Variants in SNX13 observed in about 807,000 individuals in gnomAD.
The protein encoded by SNX13 is sorting nexin-13.
In SNX13, 45 loss-of-function variants were observed where a neutral mutation model predicts 133.6. The observed-to-expected ratio is 0.34, with a 90% CI of 0.27 to 0.43. The LOEUF (loss-of-function observed/expected upper bound fraction) is 0.43, where lower values mean the gene tolerates loss of function less well. Among genes scored for constraint, SNX13 ranks in the 20% least tolerant of loss-of-function variants. SNX13 has a pLI of 1.00. For synonymous variants in SNX13, 414 were observed against 373.9 expected, an observed-to-expected ratio of 1.11 and a Z score of -1.24; for missense variants, 1,032 against 1,145.1, an observed-to-expected ratio of 0.90 and a Z score of 1.43.
intron 1 of SNX13, among the ~76,000 whole-genome samples, chr7:17,922,217 G>C (rs554789561): frequency 2.0e-5 from 3 of 152,348 alleles, no homozygotes; most frequent in South Asian, 4.1e-4. Flanking sequence ...GAGGAGTCCT[G>C]TTCTAGTTGC....
intron 17 of SNX13, among the ~76,000 whole-genome samples, chr7:17,824,726 A>G (rs1562707032): frequency 6.6e-6 from 1 of 151,950 alleles, no homozygotes; most frequent in Non-Finnish European, 1.5e-5. Flanking sequence ...TAACCACTAT[A>G]GTATGCTGCT....
intron 5 of SNX13, among the ~76,000 whole-genome samples, chr7:17,883,227 G>A (rs1795576246): frequency 6.6e-6 from 1 of 152,030 alleles, no homozygotes; most frequent in South Asian, 2.1e-4. Context: ...TTAGATCTCA[G>A]AAAATAGTAA....
At chr7:17,831,130 A>G in intron 15 of SNX13, 1 of 984,432 alleles carries the variant, frequency 1.0e-6, no homozygotes, top group Non-Finnish European at 1.2e-6. Context: ...GTCAAGTTAA[A>G]GGAGAATTTG....
chr7:17,892,812 T>C (rs17138376), intron 3 of SNX13, among the ~76,000 whole-genome samples: 1,643 of 152,198 alleles, frequency 0.011, 105 homozygotes, highest in Admixed American at 0.1. Flanking sequence ...AATCTGAAAC[T>C]TACACAATTC....
intron 5 of SNX13, chr7:17,880,933 A>G (rs1231245608): frequency 1.3e-5 from 2 of 152,158 alleles, no homozygotes; most frequent in Non-Finnish European, 2.9e-5. Context: ...TGAGCATGAT[A>G]AATATATATG....
intron 1 of SNX13, among the ~76,000 whole-genome samples, chr7:17,903,187 T>C (rs559324328): frequency 1.3e-5 from 2 of 152,362 alleles, no homozygotes; most frequent in African/African-American, 4.8e-5. Context: ...TCTACTGCAA[T>C]ACTTCTCAAA....
chr7:17,879,506 C>T (rs1795102004), intron 5 of SNX13: 1 of 152,216 alleles, frequency 6.6e-6, no homozygotes, highest in Non-Finnish European at 1.5e-5. Context: ...GGTGTTTGGA[C>T]AATGGCAACA....
chr7:17,809,402 T>C (rs904913961), intron 20 of SNX13, among the ~76,000 whole-genome samples: 1 of 148,406 alleles, frequency 6.7e-6, no homozygotes, highest in Non-Finnish European at 1.5e-5. Flanking sequence ...TACATAATGG[T>C]AAAGGGATCA....
At chr7:17,864,579 G>A (rs929475453) in intron 9 of SNX13, among the ~76,000 whole-genome samples, 1 of 151,996 alleles carries the variant, frequency 6.6e-6, no homozygotes, top group Non-Finnish European at 1.5e-5. Flanking sequence ...GAGAGACTGG[G>A]TAAAAAGTTT....
intron 1 of SNX13, among the ~76,000 whole-genome samples, chr7:17,919,948 G>T (rs746869428): frequency 6.6e-6 from 1 of 152,058 alleles, no homozygotes; most frequent in Non-Finnish European, 1.5e-5. Context: ...CTAGGCAACA[G>T]TGTAAGACCC....
intron 16 of SNX13, among the ~76,000 whole-genome samples, chr7:17,827,072 C>CTATATA (rs1288518308): frequency 6.6e-6 from 1 of 152,030 alleles, no homozygotes; most frequent in African/African-American, 2.4e-5. Context: ...TTGGTATGTG[C>CTATATA]TATATAATCT....
At position 17,883,830 on chromosome 7, in the gene SNX13, T is replaced by G. The variant is rs574334721; in HGVS notation, c.440+6533A>C. The stretch of plus-strand genomic sequence containing the variant: ...TGAGAACATACGGTGTTTGGTTTTC[T>G]GTTCTTGTGTTAGTTTGCTGAGAAT... On this transcript the variant is annotated intron_variant, in intron 5 of 25. Transcript: ENST00000428135. Among the ~76,000 whole-genome samples, 183 of 152,338 alleles carry G rather than the reference T, an allele frequency of 1.2e-3. 1 individual carries two copies. Among genetic ancestry groups the G allele is most frequent in the African/African-American group, 4.1e-3 (172 of 41,576 alleles).
At chr7:17,819,190 A>C (rs1562695660) in intron 18 of SNX13, among the ~76,000 whole-genome samples, 1 of 152,192 alleles carries the variant, frequency 6.6e-6, no homozygotes, top group South Asian at 2.1e-4. Flanking sequence ...AGATTATTAA[A>C]ATCTTTAAGG....
In SNX13 at chr7:17,850,870, G is replaced by A; in HGVS notation, c.932C>T (p.Ala311Val). The A allele has an allele frequency of 3.7e-6, 6 of 1,611,340 alleles. No individual in the cohort carries two copies. Among genetic ancestry groups the A allele is most frequent in the Non-Finnish European group, 5.1e-6 (6 of 1,178,834 alleles). Residue 311 changes from alanine to valine, a missense_variant, in exon 10 of 26, where the codon GCA (alanine) becomes GTA (valine). Coordinates refer to ENST00000428135, the MANE Select transcript of SNX13 (RefSeq NM_015132.5). Reference sequence around the variant, plus strand: ...AGATCTAAGATACTGTAATTCTTCTGCTGCCTTATCTCTGACTGCTTCTAG... The same window carrying A: ...AGATCTAAGATACTGTAATTCTTCTACTGCCTTATCTCTGACTGCTTCTAG... Reference protein sequence around the residue: ...GELEAVRDKAAEELQYLRSLD... With the variant: ...GELEAVRDKAVEELQYLRSLD...
chr7:17,856,850 T>C (rs1256717133), intron 9 of SNX13, among the ~76,000 whole-genome samples: 1 of 145,672 alleles, frequency 6.9e-6, no homozygotes, highest in African/African-American at 2.5e-5. Context: ...AAAATTCACC[T>C]CAAGGAACTA....
At chr7:17,840,471 T>C (rs1789741098) in intron 12 of SNX13, among the ~76,000 whole-genome samples, 1 of 151,914 alleles carries the variant, frequency 6.6e-6, no homozygotes, top group African/African-American at 2.4e-5. Flanking sequence ...AAAGTATATA[T>C]TAAAATGGTA....
At chr7:17,813,498 T>A (rs768889843) in intron 20 of SNX13, among the ~76,000 whole-genome samples, 4 of 152,200 alleles carry the variant, frequency 2.6e-5, no homozygotes, top group Non-Finnish European at 4.4e-5. Context: ...TAATTGTGGT[T>A]TTTGCCATTT....
chr7:17,881,561 G>C, intron 5 of SNX13: 1 of 152,158 alleles, frequency 6.6e-6, no homozygotes, highest in Middle Eastern at 3.4e-3. Flanking sequence ...AGTAGATTTT[G>C]AGAAAAGTTT....
intron 1 of SNX13, among the ~76,000 whole-genome samples, chr7:17,917,038 T>A (rs1266554958): frequency 1.3e-5 from 2 of 152,180 alleles, no homozygotes; most frequent in Non-Finnish European, 2.9e-5. Context: ...TGATTCACCA[T>A]ATAAACAGCA....
Sources: gnomAD v4.1 joint callset for allele counts (sites outside exome capture counted in the v4.1 genomes callset) on GRCh38, gnomAD v4.1.1 for gene constraint, MANE v1.5 for transcripts, NCBI Gene and HGNC (gene_info 2026-07-23, HGNC 2026-07-21) for gene names.